The following RAB27A variants were observed in gnomAD, a reference collection of about 807,000 sequenced individuals.
RAB27A encodes the protein ras-related protein Rab-27A.
In RAB27A, 17 loss-of-function variants were observed where a neutral mutation model predicts 20.8. The ratio of observed to expected loss-of-function variants is 0.82; its 90% CI spans 0.56 to 1.23. The LOEUF is 1.23. Among genes scored for constraint, RAB27A ranks in the 50% most tolerant of loss-of-function variants. RAB27A has a pLI of 0.00. For missense variants in RAB27A, 277 were observed against 266.7 expected (o/e 1.04, Z -0.27); for synonymous variants, 85 against 92.8 (o/e 0.92, Z 0.48).
Position 55,205,470 on chromosome 15 carries a change from T to C in RAB27A, c.*37A>G. 6.3e-7 allele frequency: 1 copy of C among 1,591,510 alleles called. No individual in the cohort carries two copies. The highest frequency in any genetic ancestry group is 1.1e-5 in the South Asian group (1 of 90,652). The stretch of plus-strand genomic sequence containing the variant: ...TCAATCATAGAGAAGATCCCAGGCA[T>C]GGGCCACCTGAACTACTATGTCGCT... On this transcript the variant is annotated 3_prime_UTR_variant, in exon 7 of 7. Coordinates refer to ENST00000336787, the MANE Select transcript of RAB27A (RefSeq NM_183235.3).
In RAB27A at chr15:55,209,781, CACAT is replaced by C. The variant is rs1216520101; in HGVS notation, c.468-4080_468-4077del. Among the ~76,000 whole-genome samples, 2 of 124,866 alleles carry C rather than the reference CACAT, an allele frequency of 1.6e-5. 1 individual carries two copies. The highest frequency in any genetic ancestry group is 8.6e-5 in the African/African-American group (2 of 23,324). 81.9% of individuals were successfully genotyped at this position (124,866 alleles called of 152,430 possible). A position where few individuals can be genotyped will look rare whatever the true frequency, so the allele number is the denominator to read the frequency against. On this transcript the variant is annotated intron_variant, in intron 6 of 6. Coordinates refer to ENST00000336787, the MANE Select transcript of RAB27A (RefSeq NM_183235.3). ...ATGTGTGTACATATACATATATACA[CACAT>C]ATGTGTGTATGTATACATATATACA...
chr15:55,207,437 T>C (rs1180120255), intron 6 of RAB27A, among the ~76,000 whole-genome samples: 3 of 152,144 alleles, frequency 2.0e-5, no homozygotes, highest in Non-Finnish European at 4.4e-5. Context: ...TCCTCCAAAC[T>C]TGAGCAGCCT....
At chr15:55,266,753 A>G (rs1018048281) in intron 2 of RAB27A, among the ~76,000 whole-genome samples, 3 of 152,248 alleles carry the variant, frequency 2.0e-5, no homozygotes, top group African/African-American at 7.2e-5. Context: ...AAGGTCACAC[A>G]GCCAGAAATG....
chr15:55,223,161 C>T (rs1895653960), intron 6 of RAB27A, among the ~76,000 whole-genome samples: 1 of 152,074 alleles, frequency 6.6e-6, no homozygotes, highest in South Asian at 2.1e-4. Flanking sequence ...AACCAATAAG[C>T]CCTTCTTATA....
At chr15:55,261,781 T>C (rs186785057) in intron 2 of RAB27A, among the ~76,000 whole-genome samples, 2 of 148,230 alleles carry the variant, frequency 1.3e-5, no homozygotes, top group Non-Finnish European at 3.0e-5. Context: ...GGCTCATGCC[T>C]GTAATCCCAG....
At chr15:55,228,856 T>C (rs1295562936) in intron 4 of RAB27A, 144 bp from the exon 5 acceptor site, 3 of 701,144 alleles carry the variant, frequency 4.3e-6, no homozygotes, top group Non-Finnish European at 7.8e-6. Context: ...AGGATAGTTA[T>C]TTATCACTTA....
chr15:55,306,726 T>A lies in RAB27A; in HGVS notation c.-112+7313A>T, dbSNP rs113744251. 1.2e-4 allele frequency among the ~76,000 whole-genome samples: 18 copies of A among 152,302 alleles called. 1 individual carries two copies. The highest frequency in any genetic ancestry group is 3.8e-4 in the African/African-American group (16 of 41,570). On this transcript the variant is annotated intron_variant, in intron 2 of 5. Coordinates refer to the RAB27A transcript ENST00000563262. Reference sequence around the variant, plus strand: ...GCGGGGTTTCCCTTAGATAAACTCCTATACGATGGGGCATCAATATGTCTG... The same window carrying A: ...GCGGGGTTTCCCTTAGATAAACTCCAATACGATGGGGCATCAATATGTCTG...
chr15:55,264,598 T>C (rs1257052812), intron 2 of RAB27A, among the ~76,000 whole-genome samples: 1 of 152,132 alleles, frequency 6.6e-6, no homozygotes, highest in Non-Finnish European at 1.5e-5. Flanking sequence ...AAAAAATATA[T>C]ATTAAATGTA....
intron 1 of RAB27A, among the ~76,000 whole-genome samples, chr15:55,285,828 T>C (rs1256540192): frequency 6.6e-6 from 1 of 152,194 alleles, no homozygotes; most frequent in African/African-American, 2.4e-5. Context: ...TCACTCTTCT[T>C]AAATTAGCAC....
chr15:55,206,487 G>A (rs1458414649), intron 6 of RAB27A, among the ~76,000 whole-genome samples: 4 of 151,956 alleles, frequency 2.6e-5, no homozygotes, highest in East Asian at 3.9e-4. Context: ...GACCACAGGC[G>A]CACACCACCA....
intron 2 of RAB27A, among the ~76,000 whole-genome samples, chr15:55,251,073 T>C (rs552020668): frequency 2.0e-5 from 3 of 152,230 alleles, no homozygotes; most frequent in Non-Finnish European, 4.4e-5. Flanking sequence ...AATCGTCTCA[T>C]TTGCCTTTGG....
intron 1 of RAB27A, among the ~76,000 whole-genome samples, chr15:55,278,655 T>C (rs937237050): frequency 1.4e-4 from 21 of 152,040 alleles, no homozygotes; most frequent in South Asian, 4.1e-4. Flanking sequence ...GCTAATTTTT[T>C]GTATTTTTAG....
chr15:55,238,678 C>G (rs1223004842), intron 2 of RAB27A, among the ~76,000 whole-genome samples: 2 of 141,700 alleles, frequency 1.4e-5, no homozygotes, highest in Non-Finnish European at 2.9e-5. Context: ...TTGACTCTGG[C>G]CAGCTTAAAA....
At chr15:55,255,233 C>A (rs1419609720) in intron 2 of RAB27A, among the ~76,000 whole-genome samples, 18 of 152,186 alleles carry the variant, frequency 1.2e-4, no homozygotes, top group Non-Finnish European at 1.5e-5. Context: ...AACCAAACTG[C>A]AACTCTATCC....
chr15:55,287,546 G>A (rs550026824), intron 1 of RAB27A, among the ~76,000 whole-genome samples: 42 of 152,052 alleles, frequency 2.8e-4, no homozygotes, highest in African/African-American at 9.4e-4. Flanking sequence ...TCGGGAGTCC[G>A]AGACCAGCCT....
chr15:55,209,793 T>C lies in RAB27A; in HGVS notation c.468-4088A>G, dbSNP rs1412821848. 1.5e-5 allele frequency among the ~76,000 whole-genome samples: 2 copies of C among 136,774 alleles called. 1 individual carries two copies. Among genetic ancestry groups the C allele is most frequent in the Non-Finnish European group, 3.0e-5 (2 of 66,142 alleles). 89.7% of individuals were successfully genotyped at this position (136,774 alleles called of 152,430 possible). On this transcript the variant is annotated intron_variant, in intron 6 of 6. Transcript: ENST00000336787. ...ATACATATATACACACATATGTGTG[T>C]ATGTATACATATATACACACATGTG...
At chr15:55,261,112 C>T (rs1337045462) in intron 2 of RAB27A, among the ~76,000 whole-genome samples, 1 of 152,080 alleles carries the variant, frequency 6.6e-6, no homozygotes, top group Non-Finnish European at 1.5e-5. Context: ...AACTAAAACT[C>T]GGCCAGGCAT....
chr15:55,211,958 C>CT (rs539618132), intron 6 of RAB27A, among the ~76,000 whole-genome samples: 4,252 of 124,290 alleles, frequency 0.034, 151 homozygotes, highest in African/African-American at 0.08. Flanking sequence ...GGACTATAAC[C>CT]TTTTTTTTTT....
upstream of RAB27A, among the ~76,000 whole-genome samples, chr15:55,290,698 G>A (rs1898286030): frequency 6.6e-6 from 1 of 152,230 alleles, no homozygotes; most frequent in South Asian, 2.1e-4. Context: ...ACTGCGTAGG[G>A]GGTCAGACCT....
Sources: gnomAD v4.1 joint callset for allele counts (sites outside exome capture counted in the v4.1 genomes callset) on GRCh38, gnomAD v4.1.1 for gene constraint, MANE v1.5 for transcripts, NCBI Gene and HGNC (gene_info 2026-07-23, HGNC 2026-07-21) for gene names.